The following LINGO2 variants were observed in gnomAD, a reference collection of about 807,000 sequenced individuals.
The protein encoded by LINGO2 is leucine rich repeat and Ig domain containing 2.
A neutral mutation model predicts 30.6 loss-of-function variants in LINGO2; 14 were observed. That is an observed-to-expected ratio of 0.46 (90% confidence interval 0.30 to 0.72). The LOEUF is 0.72. Ranked by LOEUF, LINGO2 falls within the 30% of genes least tolerant of loss-of-function variation. The pLI is 0.07. For missense variants in LINGO2, 729 were observed against 751.7 expected (o/e 0.97, Z 0.35); for synonymous variants, 317 against 288.5 (o/e 1.10, Z -1.00).
chr9:28,502,783 A>G (rs1587767288), intron 1 of LINGO2, among the ~76,000 whole-genome samples: 1 of 152,138 alleles, frequency 6.6e-6, no homozygotes, highest in South Asian at 2.1e-4. Context: ...ATAGCACTAA[A>G]AACATTCCTT....
At chr9:28,652,228 C>T (rs1828134757) in intron 1 of LINGO2, among the ~76,000 whole-genome samples, 1 of 152,016 alleles carries the variant, frequency 6.6e-6, no homozygotes, top group Non-Finnish European at 1.5e-5. Context: ...TTATTTAAGA[C>T]ATAGGGTTTA....
At chr9:28,078,681 T>C (rs1825692698) in intron 4 of LINGO2, among the ~76,000 whole-genome samples, 1 of 148,034 alleles carries the variant, frequency 6.8e-6, no homozygotes, top group Non-Finnish European at 1.5e-5. Context: ...ACGCCGTCTC[T>C]ATTAAAAATA....
At chr9:28,479,845 C>CTG (rs528584169) in intron 1 of LINGO2, among the ~76,000 whole-genome samples, 5,273 of 60,036 alleles carry the variant, frequency 0.088, 249 homozygotes, top group Middle Eastern at 0.17. Context: ...ACCATGTCAT[C>CTG]TGTGTGTGTG....
intron 4 of LINGO2, among the ~76,000 whole-genome samples, chr9:28,265,329 G>A (rs920098109): frequency 3.3e-5 from 5 of 151,788 alleles, no homozygotes; most frequent in African/African-American, 7.3e-5. Context: ...CTCCCCCATA[G>A]CTCCTTTCTA....
the LINGO2 span, among the ~76,000 whole-genome samples, chr9:29,117,873 A>C: frequency 6.6e-6 from 1 of 152,234 alleles, no homozygotes; most frequent in Non-Finnish European, 1.5e-5. Flanking sequence ...GCTTTCTTCA[A>C]AATAAAAGAC....
the LINGO2 span, among the ~76,000 whole-genome samples, chr9:28,705,050 G>C: frequency 2.6e-5 from 4 of 151,906 alleles, no homozygotes; most frequent in Admixed American, 2.0e-4. Context: ...CTGTATCTGG[G>C]ATTACAGGTA....
At chr9:28,213,628 T>C (rs1390082098) in intron 4 of LINGO2, among the ~76,000 whole-genome samples, 2 of 151,460 alleles carry the variant, frequency 1.3e-5, no homozygotes, top group Non-Finnish European at 3.0e-5. Context: ...TTTCTTCTTC[T>C]CTATTAGTCA....
the LINGO2 span, among the ~76,000 whole-genome samples, chr9:29,014,962 C>A: frequency 2.0e-5 from 3 of 152,168 alleles, no homozygotes; most frequent in African/African-American, 7.2e-5. Context: ...CTTCCATTGG[C>A]TCTTCTGTTA....
the LINGO2 span, among the ~76,000 whole-genome samples, chr9:29,175,341 G>GTTGT: frequency 6.6e-6 from 1 of 152,110 alleles, no homozygotes; most frequent in Non-Finnish European, 1.5e-5. Flanking sequence ...ATTATCCTTT[G>GTTGT]TTGATATAAA....
intron 5 of LINGO2, among the ~76,000 whole-genome samples, chr9:27,961,921 T>C (rs953650260): frequency 6.6e-6 from 1 of 152,184 alleles, no homozygotes; most frequent in East Asian, 1.9e-4. Context: ...GGGTGAGACC[T>C]GGTGTCCTTC....
chr9:28,531,431 C>T (rs1184456253), intron 1 of LINGO2, among the ~76,000 whole-genome samples: 1 of 152,052 alleles, frequency 6.6e-6, no homozygotes, highest in Admixed American at 6.6e-5. Flanking sequence ...TTTCCAAACA[C>T]CAGTATCCCT....
At chr9:28,932,684 T>C in the LINGO2 span, among the ~76,000 whole-genome samples, 14 of 152,124 alleles carry the variant, frequency 9.2e-5, no homozygotes, top group Non-Finnish European at 1.9e-4. Flanking sequence ...ATTATCATTG[T>C]ATAATTTAAG....
the LINGO2 span, among the ~76,000 whole-genome samples, chr9:29,123,822 G>A: frequency 6.6e-6 from 1 of 151,906 alleles, no homozygotes; most frequent in African/African-American, 2.4e-5. Context: ...AATTAAAGTG[G>A]GGTTCTGTTA....
the LINGO2 span, among the ~76,000 whole-genome samples, chr9:29,083,531 T>C: frequency 6.6e-5 from 10 of 151,936 alleles, no homozygotes; most frequent in African/African-American, 2.2e-4. Flanking sequence ...TGTATACATA[T>C]GTAACAAACC....
At chr9:28,636,357 A>T (rs1351895649) in intron 1 of LINGO2, among the ~76,000 whole-genome samples, 1 of 152,040 alleles carries the variant, frequency 6.6e-6, no homozygotes, top group East Asian at 1.9e-4. Flanking sequence ...GATGGCGGGG[A>T]CAAATGGTAT....
chr9:28,471,109 A>C (rs1825502022), intron 2 of LINGO2, among the ~76,000 whole-genome samples: 1 of 152,100 alleles, frequency 6.6e-6, no homozygotes, highest in Non-Finnish European at 1.5e-5. Flanking sequence ...AGAGAAAGCC[A>C]AGGAATTGTT....
chr9:28,555,324 G>A (rs1283049195), intron 1 of LINGO2, among the ~76,000 whole-genome samples: 138 of 146,174 alleles, frequency 9.4e-4, no homozygotes, highest in Non-Finnish European at 1.4e-3. Context: ...TATCACCACC[G>A]ATCCCACAGA....
chr9:29,070,837 A>G, the LINGO2 span, among the ~76,000 whole-genome samples: 2 of 151,212 alleles, frequency 1.3e-5, no homozygotes, highest in Non-Finnish European at 2.9e-5. Context: ...TTTCACATGA[A>G]TTTTTATTAT....
rs1246992248 is a variant in LINGO2, at chr9:28,329,230, T to C, written c.-245-33864A>G. Among the ~76,000 whole-genome samples, 2 of 152,180 alleles carry C rather than the reference T, an allele frequency of 1.3e-5. No individual in the cohort carries two copies. Among genetic ancestry groups the C allele is most frequent in the Non-Finnish European group, 2.9e-5 (2 of 68,038 alleles). On this transcript the variant is annotated intron_variant, in intron 3 of 5. Coordinates refer to ENST00000379992, the Ensembl canonical transcript of LINGO2. The surrounding 1 kb of genome is among the most constrained non-coding windows in gnomAD (Gnocchi z 4.5). ...TAATAGTCTAATTGTGCTCAGCTCA[T>C]TTTGCCTCTGTCCAAAAGTGGGAAG...
Sources: gnomAD v4.1 joint callset for allele counts (sites outside exome capture counted in the v4.1 genomes callset) on GRCh38, gnomAD v4.1.1 for gene constraint, Gnocchi (gnomAD v3.1) non-coding constraint, MANE v1.5 for transcripts, NCBI Gene and HGNC (gene_info 2026-07-23, HGNC 2026-07-21) for gene names.